The following NKX2-2 variants were observed in gnomAD, a reference collection of about 807,000 sequenced individuals.
NKX2-2 encodes homeobox protein Nkx-2.2.
Under a neutral mutation model 24.6 loss-of-function variants are expected in NKX2-2, and 8 were observed. The ratio of observed to expected loss-of-function variants is 0.32; its 90% CI spans 0.19 to 0.59. The LOEUF is 0.59. NKX2-2 is among the 20% of genes least tolerant of loss of function. NKX2-2 has a pLI of 0.86. For synonymous variants in NKX2-2, 217 were observed against 173.3 expected (o/e 1.25, Z -1.98); for missense variants, 381 against 373.9 (o/e 1.02, Z -0.16).
chr20:21,514,979 C>T (rs1272985454), upstream of NKX2-2, among the ~76,000 whole-genome samples: 1 of 152,094 alleles, frequency 6.6e-6, no homozygotes, highest in Admixed American at 6.5e-5. Flanking sequence ...CCTCCCACCC[C>T]CAACCCCCCG....
In NKX2-2 at chr20:21,512,416, T is replaced by C; in HGVS notation, c.329A>G (p.Glu110Gly). The change falls in exon 2 of 2, where the codon GAG (glutamate) becomes GGG (glycine). Residue 110 changes from glutamate (E) to glycine (G), a missense_variant. Physicochemically the swap from Glu to Gly is moderately conservative, Grantham distance 98 (BLOSUM62 -2). Around this residue, in one of 3 missense-constraint regions of NKX2-2, gnomAD observed 206 missense variants for 173.1 expected, o/e 1.19. Transcript: ENST00000377142. Reference protein sequence around the residue: ...SSKSPEPSADESPDNDKETPG... With the variant: ...SSKSPEPSADGSPDNDKETPG... ...GGTCTCCTTGTCATTGTCCGGTGAC[T>C]CGTCGGCCGAGGGCTCCGGGGACTT... 1 of 1,595,758 alleles carries C rather than the reference T, an allele frequency of 6.3e-7. No homozygotes were observed. The highest frequency in any genetic ancestry group is 1.7e-4 in the Middle Eastern group (1 of 5,734).
chr20:21,522,145 C>A, the NKX2-2 span, among the ~76,000 whole-genome samples: 1 of 152,244 alleles, frequency 6.6e-6, no homozygotes, highest in Admixed American at 6.5e-5. Flanking sequence ...TGCCCGTCCT[C>A]GAGTGCTCGC....
At chr20:21,522,373 G>A in the NKX2-2 span, among the ~76,000 whole-genome samples, 4 of 152,170 alleles carry the variant, frequency 2.6e-5, no homozygotes, top group Admixed American at 1.3e-4. Context: ...CGCGGTGACC[G>A]TGCCCGGAGC....
chr20:21,517,458 C>T (rs945965257), upstream of NKX2-2, among the ~76,000 whole-genome samples: 5 of 152,228 alleles, frequency 3.3e-5, no homozygotes, highest in African/African-American at 1.2e-4. Flanking sequence ...CATCACTTCT[C>T]GTCCGTGTGG....
Position 21,511,861 on chromosome 20 carries a change from C to T in NKX2-2, c.*62G>A, listed in dbSNP as rs1980442099. 1.5e-6 allele frequency: 2 copies of T among 1,371,488 alleles called. No individual in the cohort carries two copies. Among genetic ancestry groups the T allele is most frequent in the Non-Finnish European group, 9.9e-7 (1 of 1,015,040 alleles). 85.0% of individuals were successfully genotyped at this position (1,371,488 alleles called of 1,614,324 possible). On this transcript the variant is annotated 3_prime_UTR_variant, in exon 2 of 2. Coordinates refer to ENST00000377142, the MANE Select transcript of NKX2-2 (RefSeq NM_002509.4). Reference sequence around the variant, plus strand: ...ACCACCATAAGGACCGAGGCCTCCTCGCCGCCACCGCCGCCGGGGTGGGGC... The same window carrying T: ...ACCACCATAAGGACCGAGGCCTCCTTGCCGCCACCGCCGCCGGGGTGGGGC...
upstream of NKX2-2, among the ~76,000 whole-genome samples, chr20:21,518,917 A>G (rs1367679457): frequency 6.6e-6 from 1 of 151,990 alleles, no homozygotes; most frequent in Non-Finnish European, 1.5e-5. Flanking sequence ...CTCTTTGGAG[A>G]CGGCGCTCGC....
intron 1 of NKX2-2, among the ~76,000 whole-genome samples, chr20:21,512,906 G>A (rs888579645): frequency 6.6e-6 from 1 of 152,184 alleles, no homozygotes; most frequent in Non-Finnish European, 1.5e-5. Context: ...GGGGGCTTTC[G>A]TTTCTGCTTT....
chr20:21,517,477 T>TTA (rs1980668956), upstream of NKX2-2, among the ~76,000 whole-genome samples: 1 of 152,172 alleles, frequency 6.6e-6, no homozygotes, highest in African/African-American at 2.4e-5. Flanking sequence ...GGTTCCCGCG[T>TTA]CCATTTCCAG....
the NKX2-2 span, among the ~76,000 whole-genome samples, chr20:21,519,748 A>G: frequency 6.6e-6 from 1 of 152,164 alleles, no homozygotes; most frequent in East Asian, 1.9e-4. Flanking sequence ...CCCAGCTCCA[A>G]TTGCCCTCAC....
At chr20:21,518,903 G>T (rs193048006), upstream of NKX2-2, among the ~76,000 whole-genome samples, 1 of 152,192 alleles carries the variant, frequency 6.6e-6, no homozygotes, top group African/African-American at 2.4e-5. Context: ...CCTGTTCTGG[G>T]CACCTCTTTG....
At chr20:21,515,005 G>C (rs995130634), upstream of NKX2-2, among the ~76,000 whole-genome samples, 2 of 148,912 alleles carry the variant, frequency 1.3e-5, no homozygotes, top group African/African-American at 5.0e-5. Context: ...ACCTCTCTGC[G>C]GCCAAGGAGG....
chr20:21,513,715 G>C lies in NKX2-2; in HGVS notation c.-46C>G. ...ATGTCGCAAAGTTGTAGCTTCACTTGGTCAATTCGTGGCGCTCCCCTGCCC... is the reference window on the plus strand; with the variant it reads ...ATGTCGCAAAGTTGTAGCTTCACTTCGTCAATTCGTGGCGCTCCCCTGCCC... On this transcript the variant is annotated 5_prime_UTR_variant, in exon 1 of 2. Coordinates refer to ENST00000377142, the MANE Select transcript of NKX2-2 (RefSeq NM_002509.4). This position sits in a 1 kb window ranked among gnomAD's most constrained non-coding sequence, Gnocchi z 4.6. 9 of 1,384,154 alleles carry C rather than the reference G, an allele frequency of 6.5e-6. No individual in the cohort carries two copies. Among genetic ancestry groups the C allele is most frequent in the Non-Finnish European group, 8.4e-6 (9 of 1,066,586 alleles). The allele number at this position is 1,384,154 out of a possible 1,614,324, so 85.7% of individuals were successfully genotyped here.
At chr20:21,515,535 G>T (rs751381552), upstream of NKX2-2, among the ~76,000 whole-genome samples, 5 of 151,730 alleles carry the variant, frequency 3.3e-5, no homozygotes, top group African/African-American at 1.2e-4. Flanking sequence ...CTTCCTCCTC[G>T]GCGCTGGGGT....
chr20:21,520,238 G>T, the NKX2-2 span, among the ~76,000 whole-genome samples: 1 of 152,074 alleles, frequency 6.6e-6, no homozygotes, highest in African/African-American at 2.4e-5. Context: ...ACTGATCCTG[G>T]GACCTAGAGC....
At chr20:21,515,303 G>A (rs1980603014), upstream of NKX2-2, among the ~76,000 whole-genome samples, 1 of 151,940 alleles carries the variant, frequency 6.6e-6, no homozygotes, top group Non-Finnish European at 1.5e-5. Flanking sequence ...CAGCCTGGGT[G>A]AAGACCCAGA....
In NKX2-2 at chr20:21,513,678, AC is replaced by A; in HGVS notation, c.-10del. 7.2e-7 allele frequency: 1 copy of A among 1,381,732 alleles called. No homozygotes were observed. Among genetic ancestry groups the A allele is most frequent in the Non-Finnish European group, 9.5e-7 (1 of 1,051,510 alleles). The allele number at this position is 1,381,732 out of a possible 1,614,324, so 85.6% of individuals were successfully genotyped here. A position where few individuals can be genotyped will look rare whatever the true frequency, so the allele number is the denominator to read the frequency against. On this transcript the variant is annotated 5_prime_UTR_variant, in exon 1 of 2. Transcript: ENST00000377142. The surrounding 1 kb of genome is among the most constrained non-coding windows in gnomAD (Gnocchi z 4.6). Reference sequence around the variant, plus strand: ...GTGTTGGTCAGCGACATGGTTCGAGACCCCAAAATTTATGTCGCAAAGTTGT... The same window carrying A: ...GTGTTGGTCAGCGACATGGTTCGAGACCCAAAATTTATGTCGCAAAGTTGT...
At chr20:21,518,746 G>C (rs1980701151), upstream of NKX2-2, among the ~76,000 whole-genome samples, 1 of 152,200 alleles carries the variant, frequency 6.6e-6, no homozygotes, top group South Asian at 2.1e-4. Flanking sequence ...CCCTGTTGTG[G>C]GGGTGCGCTC....
chr20:21,516,555 G>A (rs1034541731), upstream of NKX2-2, among the ~76,000 whole-genome samples: 9 of 152,072 alleles, frequency 5.9e-5, no homozygotes, highest in Non-Finnish European at 1.3e-4. Flanking sequence ...GAGTGGGCCT[G>A]CCACTGCTAT....
upstream of NKX2-2, among the ~76,000 whole-genome samples, chr20:21,518,612 T>C (rs1443926564): frequency 6.6e-6 from 1 of 152,172 alleles, no homozygotes; most frequent in Non-Finnish European, 1.5e-5. Flanking sequence ...CGGCTCAGTG[T>C]TTACCTGTTT....
Sources: gnomAD v4.1 joint callset for allele counts (sites outside exome capture counted in the v4.1 genomes callset) on GRCh38, gnomAD v4.1.1 for gene constraint, gnomAD v4.1.1 regional missense constraint, Gnocchi (gnomAD v3.1) non-coding constraint, MANE v1.5 for transcripts, NCBI Gene and HGNC (gene_info 2026-07-23, HGNC 2026-07-21) for gene names.